KDM2A: variants seen among roughly 807,000 people sequenced by gnomAD.
The protein encoded by KDM2A is lysine-specific demethylase 2A.
In KDM2A, 3 loss-of-function variants were observed where a neutral mutation model predicts 137.3. The ratio of observed to expected loss-of-function variants is 0.02; its 90% CI spans 0.01 to 0.06. The LOEUF (loss-of-function observed/expected upper bound fraction) is 0.06, where lower values mean the gene tolerates loss of function less well. Ranked by LOEUF, KDM2A falls within the 10% of genes least tolerant of loss-of-function variation. The probability of loss-of-function intolerance (pLI) is 1.00; values close to 1 mark genes in which losing one functional copy is unlikely to be tolerated. For synonymous variants in KDM2A, 512 were observed against 541.5 expected, an observed-to-expected ratio of 0.95 and a Z score of 0.76; for missense variants, 738 against 1,510.6, an observed-to-expected ratio of 0.49 and a Z score of 8.48.
At chr11:67,191,278 G>A (rs1857347870) in intron 5 of KDM2A, among the ~76,000 whole-genome samples, 1 of 152,000 alleles carries the variant, frequency 6.6e-6, no homozygotes, top group Admixed American at 6.6e-5. Flanking sequence ...GCTCGCCTCG[G>A]CCTCCCAAAG....
At chr11:67,150,160 G>A (rs1688231748) in intron 2 of KDM2A, among the ~76,000 whole-genome samples, 1 of 152,146 alleles carries the variant, frequency 6.6e-6, no homozygotes, top group Non-Finnish European at 1.5e-5. Flanking sequence ...AAACTAAAAA[G>A]TAAGAAACAG....
At chr11:67,228,515 A>G (rs1858613313) in intron 11 of KDM2A, among the ~76,000 whole-genome samples, 1 of 151,686 alleles carries the variant, frequency 6.6e-6, no homozygotes, top group South Asian at 2.1e-4. Context: ...ACATGGCAAA[A>G]CCCCATCTCT....
intron 2 of KDM2A, among the ~76,000 whole-genome samples, chr11:67,122,671 A>ATTTG (rs1364374467): frequency 4.1e-5 from 6 of 145,202 alleles, no homozygotes; most frequent in Admixed American, 7.0e-5. Flanking sequence ...TTATTTATTT[A>ATTTG]TTTATTTATT....
chr11:67,127,799 C>G (rs1433508642), intron 2 of KDM2A, among the ~76,000 whole-genome samples: 1 of 152,034 alleles, frequency 6.6e-6, no homozygotes, highest in Non-Finnish European at 1.5e-5. Flanking sequence ...CCTCCCTCTC[C>G]TGGGTTCAAG....
intron 2 of KDM2A, among the ~76,000 whole-genome samples, chr11:67,162,821 T>C (rs1229985511): frequency 6.6e-6 from 1 of 152,086 alleles, no homozygotes; most frequent in African/African-American, 2.4e-5. Context: ...TCAAACAGTC[T>C]TTCCACCTCA....
At chr11:67,125,983 C>T (rs1209395255) in intron 2 of KDM2A, among the ~76,000 whole-genome samples, 2 of 149,378 alleles carry the variant, frequency 1.3e-5, no homozygotes, top group Non-Finnish European at 3.0e-5. Flanking sequence ...CAGTGTCTCA[C>T]GCCTGTAATC....
At chr11:67,172,616 T>TTGTGTGTGTG (rs35333315) in intron 2 of KDM2A, among the ~76,000 whole-genome samples, 1 of 146,422 alleles carries the variant, frequency 6.8e-6, no homozygotes, top group African/African-American at 2.5e-5. Flanking sequence ...GCTCTTATAG[T>TTGTGTGTGTG]TGTGTGTGTG....
chr11:67,217,009 C>A (rs901363227), intron 8 of KDM2A, among the ~76,000 whole-genome samples: 2 of 151,978 alleles, frequency 1.3e-5, no homozygotes, highest in African/African-American at 2.4e-5. Context: ...TTTGGGAGGC[C>A]AAGGTGGGTG....
chr11:67,249,619 T>A lies in KDM2A; in HGVS notation c.2056-467T>A, dbSNP rs954084606. On this transcript the variant is annotated intron_variant, in intron 16 of 20. Transcript: ENST00000529006. ...TGAATCTCTCTGTAGCAACCCAGTT[T>A]CTCAGAGAGGTTCTTGTTATCTGCT... Among the ~76,000 whole-genome samples the A allele has an allele frequency of 8.5e-5, 13 of 152,320 alleles. No homozygotes were observed. The South Asian group carries it at 1.5e-3, about 17-fold the overall frequency.
chr11:67,172,049 G>T (rs1042638582), intron 2 of KDM2A, among the ~76,000 whole-genome samples: 14 of 152,102 alleles, frequency 9.2e-5, no homozygotes, highest in African/African-American at 3.4e-4. Context: ...GAGTTCAGTG[G>T]CGTGAACATG....
chr11:67,130,290 G>A (rs1855824795), intron 2 of KDM2A, among the ~76,000 whole-genome samples: 1 of 152,010 alleles, frequency 6.6e-6, no homozygotes, highest in Admixed American at 6.6e-5. Context: ...GCACCTGACT[G>A]CTCTTTACCA....
intron 2 of KDM2A, among the ~76,000 whole-genome samples, chr11:67,154,960 A>C (rs995535139): frequency 9.9e-5 from 15 of 152,220 alleles, no homozygotes; most frequent in Admixed American, 1.3e-4. Flanking sequence ...AGCTACTGTG[A>C]ATAGTGCTGC....
chr11:67,181,802 G>A (rs149640085), intron 4 of KDM2A, 44 bp from the exon 5 acceptor site: 1 of 1,559,384 alleles, frequency 6.4e-7, no homozygotes, highest in African/African-American at 1.4e-5. Context: ...ATTTACTAGA[G>A]CAATTGTGTT....
At chr11:67,130,258 G>A (rs1033670491) in intron 2 of KDM2A, among the ~76,000 whole-genome samples, 9 of 151,884 alleles carry the variant, frequency 5.9e-5, no homozygotes, top group South Asian at 4.1e-4. Flanking sequence ...TCTGAGTCAC[G>A]GCACCTGACT....
At chr11:67,209,600 C>T (rs1230470654) in intron 6 of KDM2A, among the ~76,000 whole-genome samples, 1 of 151,786 alleles carries the variant, frequency 6.6e-6, no homozygotes, top group Non-Finnish European at 1.5e-5. Context: ...CACACCACCA[C>T]ACCCGGCTAA....
At chr11:67,206,691 C>T (rs1857814334) in intron 5 of KDM2A, among the ~76,000 whole-genome samples, 1 of 152,194 alleles carries the variant, frequency 6.6e-6, no homozygotes, top group Non-Finnish European at 1.5e-5. Context: ...GAGCCGAGAG[C>T]GTGCCACTGC....
At chr11:67,161,289 T>C (rs938525117) in intron 2 of KDM2A, among the ~76,000 whole-genome samples, 5 of 152,188 alleles carry the variant, frequency 3.3e-5, no homozygotes, top group Non-Finnish European at 7.3e-5. Flanking sequence ...AAACTGTGAC[T>C]TTTTCAATCT....
At chr11:67,225,407 G>C (rs1266921623) in intron 10 of KDM2A, among the ~76,000 whole-genome samples, 1 of 149,720 alleles carries the variant, frequency 6.7e-6, no homozygotes, top group Non-Finnish European at 1.5e-5. Flanking sequence ...AGGCTGAGGC[G>C]GGCGAATCAC....
intron 8 of KDM2A, 174 bp from the exon 9 acceptor site, chr11:67,217,557 G>C: frequency 1.6e-6 from 1 of 620,360 alleles, no homozygotes; most frequent in Admixed American, 2.9e-5. Flanking sequence ...GGATAAGAAA[G>C]ATCTACTGCC....
Sources: gnomAD v4.1 joint callset for allele counts (sites outside exome capture counted in the v4.1 genomes callset) on GRCh38, gnomAD v4.1.1 for gene constraint, MANE v1.5 for transcripts, NCBI Gene and HGNC (gene_info 2026-07-23, HGNC 2026-07-21) for gene names.